PLB1: variants seen among roughly 807,000 people sequenced by gnomAD.
PLB1 encodes phospholipase B1, membrane-associated.
Under a neutral mutation model 227.4 loss-of-function variants are expected in PLB1, and 242 were observed. The observed-to-expected ratio is 1.06, with a 90% CI of 0.96 to 1.18. PLB1 has a LOEUF of 1.18. PLB1 is among the 50% of genes most tolerant of loss of function. The pLI is 0.00. For synonymous variants in PLB1, 757 were observed against 682.2 expected, an observed-to-expected ratio of 1.11 and a Z score of -1.71; for missense variants, 1,858 against 1,816.3, an observed-to-expected ratio of 1.02 and a Z score of -0.42.
At chr2:28,641,571 G>A (rs1370838747) in intron 57 of PLB1, among the ~76,000 whole-genome samples, 3 of 152,180 alleles carry the variant, frequency 2.0e-5, no homozygotes, top group Non-Finnish European at 4.4e-5. Context: ...TCATGCCACT[G>A]CACTCCAGAC....
intron 17 of PLB1, among the ~76,000 whole-genome samples, chr2:28,554,522 A>G: frequency 1.8e-5 from 1 of 55,208 alleles, no homozygotes; most frequent in Non-Finnish European, 3.5e-5. Context: ...TTTTTTTAAG[A>G]GATGGGGTCT....
At chr2:28,603,001 G>T in intron 39 of PLB1, 80 bp downstream of exon 39, 1 of 1,262,172 alleles carries the variant, frequency 7.9e-7, no homozygotes, top group Non-Finnish European at 1.2e-6. Flanking sequence ...GATGCCTCAG[G>T]GTCTTTGTGA....
At chr2:28,514,479 A>T (rs149536817) in intron 1 of PLB1, among the ~76,000 whole-genome samples, 1 of 152,220 alleles carries the variant, frequency 6.6e-6, no homozygotes, top group African/African-American at 2.4e-5. Context: ...AAAGGTTTCT[A>T]CGTCTTTTAA....
chr2:28,570,939 A>G (rs1677909142), intron 20 of PLB1, among the ~76,000 whole-genome samples: 2 of 152,198 alleles, frequency 1.3e-5, no homozygotes, highest in South Asian at 4.1e-4. Flanking sequence ...GGAGTAAGAC[A>G]AGGATGCATG....
rs770870766 is a variant in PLB1 at position 28,626,519 on chromosome 2, G to A, written c.3660+11G>A. 36 of 1,611,804 alleles carry A rather than the reference G, an allele frequency of 2.2e-5. No individual in the cohort carries two copies. Among genetic ancestry groups the A allele is most frequent in the Middle Eastern group, 3.3e-4 (2 of 6,078 alleles). ...TACTGTGAGAATCCGGTAGGCCCCC[G>A]ACCAACCCCATGGGGACCTGAGAAG... On this transcript the variant is annotated intron_variant, in intron 51 of 57. Transcript: ENST00000327757.
chr2:28,583,340 T>C (rs780418705), intron 25 of PLB1, among the ~76,000 whole-genome samples: 9 of 152,024 alleles, frequency 5.9e-5, no homozygotes, highest in Non-Finnish European at 1.3e-4. Flanking sequence ...CACACCACCA[T>C]GCCCAGCTAA....
chr2:28,540,791 C>G (rs575839135), intron 12 of PLB1, among the ~76,000 whole-genome samples: 1 of 152,146 alleles, frequency 6.6e-6, no homozygotes, highest in African/African-American at 2.4e-5. Context: ...CTGGTTTTGC[C>G]CAGTGTGCCT....
At chr2:28,518,429 G>A (rs1182296348) in intron 2 of PLB1, 37 bp from the exon 3 acceptor site, 1 of 1,478,750 alleles carries the variant, frequency 6.8e-7, no homozygotes, top group Non-Finnish European at 9.5e-7. Context: ...TTCTATACAA[G>A]GCAGTTGATG....
intron 1 of PLB1, among the ~76,000 whole-genome samples, chr2:28,510,617 TTC>T (rs1302498660): frequency 1.8e-5 from 2 of 112,864 alleles, no homozygotes; most frequent in African/African-American, 7.3e-5. Context: ...TTTTTTCTTT[TTC>T]TCTCTCTTTT....
In PLB1 at chr2:28,604,028, C is replaced by G. The variant is rs746256624; in HGVS notation, c.2837C>G (p.Ala946Gly). 3 of 1,614,138 alleles carry G rather than the reference C, an allele frequency of 1.9e-6. No individual in the cohort carries two copies. In the East Asian group the frequency reaches 6.7e-5, roughly 36 times the overall value. ...ENSQELARLEAFSRAYRSSMR... is the reference protein window; with the variant it reads ...ENSQELARLEGFSRAYRSSMR... ...TCCCAAGAGCTAGCCAGGCTGGAGG[C>G]CTTCAGCCGAGCCTACCGGGTAAGA... Residue 946 changes from alanine to glycine, a missense_variant, in exon 40 of 58, where the codon GCC (alanine) becomes GGC (glycine). Coordinates refer to ENST00000327757, the MANE Select transcript of PLB1 (RefSeq NM_153021.5).
chr2:28,507,585 T>C (rs1207881382), intron 1 of PLB1, among the ~76,000 whole-genome samples: 6 of 152,132 alleles, frequency 3.9e-5, no homozygotes, highest in Admixed American at 1.3e-4. Flanking sequence ...CATATGAATT[T>C]TGGGGGACAC....
intron 11 of PLB1, 49 bp downstream of exon 11, chr2:28,539,227 G>T: frequency 6.6e-7 from 1 of 1,508,236 alleles, no homozygotes; most frequent in South Asian, 1.1e-5. Context: ...CGGCTGTCAC[G>T]TGTGCGGCCT....
intron 15 of PLB1, 91 bp downstream of exon 15, chr2:28,549,022 C>T (rs2148219548): frequency 9.0e-7 from 1 of 1,115,126 alleles, no homozygotes; most frequent in Non-Finnish European, 1.3e-6. Flanking sequence ...TGGGTCTTAC[C>T]TGAGATGTGA....
intron 1 of PLB1, among the ~76,000 whole-genome samples, chr2:28,502,912 T>C (rs1449432504): frequency 6.6e-6 from 1 of 152,162 alleles, no homozygotes; most frequent in Non-Finnish European, 1.5e-5. Flanking sequence ...TTAGCACTTA[T>C]AGAATTAGTC....
chr2:28,512,079 T>TC (rs1016077598), intron 1 of PLB1, among the ~76,000 whole-genome samples: 1 of 84,224 alleles, frequency 1.2e-5, no homozygotes, highest in African/African-American at 4.6e-5. Context: ...TTTCCTGCCC[T>TC]CCCCCCACCC....
intron 51 of PLB1, 106 bp downstream of exon 51, chr2:28,626,614 G>T: frequency 1.0e-6 from 1 of 986,828 alleles, no homozygotes; most frequent in Non-Finnish European, 1.6e-6. Context: ...CTTGCTCATG[G>T]GAACCACATT....
intron 19 of PLB1, 116 bp downstream of exon 19, chr2:28,565,469 C>A (rs960810546): frequency 5.9e-6 from 5 of 841,742 alleles, no homozygotes; most frequent in South Asian, 3.6e-5. Flanking sequence ...TTGTTCTTTT[C>A]TATGACCAAC....
chr2:28,631,671 G>A (rs192323726), intron 54 of PLB1, among the ~76,000 whole-genome samples: 1 of 152,160 alleles, frequency 6.6e-6, no homozygotes. Context: ...TGACCTCTTC[G>A]TGCAGTGAGA....
chr2:28,582,345 A>G (rs1680169119), intron 24 of PLB1, 60 bp from the exon 25 acceptor site: 1 of 1,478,266 alleles, frequency 6.8e-7, no homozygotes, highest in Non-Finnish European at 9.4e-7. Context: ...GCAGGCCCCA[A>G]ACCGAGGTGA....
Sources: gnomAD v4.1 joint callset for allele counts (sites outside exome capture counted in the v4.1 genomes callset) on GRCh38, gnomAD v4.1.1 for gene constraint, MANE v1.5 for transcripts, NCBI Gene and HGNC (gene_info 2026-07-23, HGNC 2026-07-21) for gene names.